CRACR2A: variants seen among roughly 807,000 people sequenced by gnomAD.
CRACR2A encodes the protein EF-hand calcium-binding domain-containing protein 4B.
A neutral mutation model predicts 90.5 loss-of-function variants in CRACR2A; 79 were observed. That is an observed-to-expected ratio of 0.87 (90% confidence interval 0.73 to 1.05). The LOEUF is 1.05. Ranked by LOEUF, CRACR2A falls within the 50% of genes least tolerant of loss-of-function variation. CRACR2A has a pLI of 0.00. For missense variants in CRACR2A, 823 were observed against 897.2 expected, an observed-to-expected ratio of 0.92 and a Z score of 1.06; for synonymous variants, 338 against 356.7, an observed-to-expected ratio of 0.95 and a Z score of 0.59.
intron 7 of CRACR2A, chr12:3,672,920 T>C (rs56026863): frequency 0.15 from 67,013 of 439,784 alleles, 5,432 homozygotes; most frequent in South Asian, 0.27. Flanking sequence ...AGCAGGGCTA[T>C]AGGTCACCTT....
At chr12:3,713,863 AT>A (rs1751868587) in intron 2 of CRACR2A, among the ~76,000 whole-genome samples, 2 of 152,188 alleles carry the variant, frequency 1.3e-5, no homozygotes, top group Admixed American at 6.5e-5. Context: ...CAGGGAGAGG[AT>A]GGGCTTCCTT....
chr12:3,637,790 T>G (rs1335820376), intron 14 of CRACR2A, among the ~76,000 whole-genome samples: 1 of 152,212 alleles, frequency 6.6e-6, no homozygotes, highest in Non-Finnish European at 1.5e-5. Flanking sequence ...TGTTGAGGTG[T>G]GCTCTCATGG....
intron 15 of CRACR2A, among the ~76,000 whole-genome samples, chr12:3,628,227 C>CTCTT (rs150027786): frequency 0.27 from 40,370 of 149,496 alleles, 5,677 homozygotes; most frequent in South Asian, 0.37. Context: ...CTTCCTTTCT[C>CTCTT]TCTTTCTTTC....
intron 3 of CRACR2A, among the ~76,000 whole-genome samples, chr12:3,710,621 C>T (rs374118669): frequency 2.6e-5 from 4 of 151,776 alleles, no homozygotes; most frequent in African/African-American, 7.3e-5. Flanking sequence ...GGTGAAACCC[C>T]GTCTCTACTA....
intron 4 of CRACR2A, among the ~76,000 whole-genome samples, chr12:3,690,551 T>C (rs61908566): frequency 0.14 from 20,769 of 152,194 alleles, 1,598 homozygotes; most frequent in Admixed American, 0.22. Context: ...AGTTCTTTTG[T>C]ATTTGCTGAG....
chr12:3,621,946 C>T (rs1944151795), intron 17 of CRACR2A, among the ~76,000 whole-genome samples: 1 of 152,080 alleles, frequency 6.6e-6, no homozygotes, highest in Admixed American at 6.5e-5. Flanking sequence ...CAGTCAGTCA[C>T]CATCACCCTG....
rs146548856 is a variant in CRACR2A at position 3,683,551 on chromosome 12, T to A, written c.229-3202A>T. Among the ~76,000 whole-genome samples, 8 of 152,374 alleles carry A rather than the reference T, an allele frequency of 5.3e-5. No individual in the cohort carries two copies. The East Asian group carries it at 1.5e-3, about 29-fold the overall frequency. ...TCTTTCTTCACTCTCAGCTCCTGCG[T>A]CACTTCCTCCGTAAGGCCTTTGCAC... is the stretch of plus-strand genomic sequence containing the variant. On this transcript the variant is annotated intron_variant, in intron 4 of 19. Coordinates refer to ENST00000440314, the MANE Select transcript of CRACR2A (RefSeq NM_001144958.2).
Position 3,621,460 on chromosome 12 carries a change from T to C in CRACR2A, c.1933-2088A>G, listed in dbSNP as rs548608762. Among the ~76,000 whole-genome samples the C allele has an allele frequency of 4.7e-5, 7 of 148,558 alleles. No individual in the cohort carries two copies. The East Asian group carries it at 1.4e-3, about 29-fold the overall frequency. On this transcript the variant is annotated intron_variant, in intron 17 of 19. Transcript: ENST00000440314. The stretch of plus-strand genomic sequence containing the variant: ...TGAGGTCAGGAGTTCAAGACCAGCC[T>C]GGCCAAGATGGTGAAACCCTGTCTC...
chr12:3,749,068 A>G (rs1946666242), intron 1 of CRACR2A, among the ~76,000 whole-genome samples: 1 of 152,344 alleles, frequency 6.6e-6, no homozygotes, highest in African/African-American at 2.4e-5. Flanking sequence ...CTGTGTGACC[A>G]TAGACATGAT....
intron 17 of CRACR2A, among the ~76,000 whole-genome samples, chr12:3,625,520 T>C (rs956262936): frequency 2.7e-5 from 4 of 150,718 alleles, no homozygotes; most frequent in Non-Finnish European, 4.4e-5. Context: ...CACCAAAATT[T>C]AGATACTGGG....
rs868031050 is a variant in CRACR2A at position 3,637,157 on chromosome 12, A to G, written c.1602+967T>C. Reference sequence around the variant, plus strand: ...GACCTGGTGGGCAGTACAGGGTCACACTGAAGGGAGGAGCAGGCAGGGAAT... The same window carrying G: ...GACCTGGTGGGCAGTACAGGGTCACGCTGAAGGGAGGAGCAGGCAGGGAAT... On this transcript the variant is annotated intron_variant, in intron 14 of 19. Coordinates refer to ENST00000440314, the MANE Select transcript of CRACR2A (RefSeq NM_001144958.2). 9.2e-5 allele frequency among the ~76,000 whole-genome samples: 14 copies of G among 152,332 alleles called. No individual in the cohort carries two copies. The Middle Eastern group carries it at 0.024, about 259-fold the overall frequency.
chr12:3,679,958 T>A (rs1007589791), intron 5 of CRACR2A, among the ~76,000 whole-genome samples: 1 of 152,258 alleles, frequency 6.6e-6, no homozygotes, highest in African/African-American at 2.4e-5. Flanking sequence ...CTATGGCTTC[T>A]GCAGAGCTTC....
At chr12:3,657,146 A>G (rs1241523694) in intron 8 of CRACR2A, among the ~76,000 whole-genome samples, 1 of 152,254 alleles carries the variant, frequency 6.6e-6, no homozygotes, top group Admixed American at 6.5e-5. Context: ...CGAGCGGGAC[A>G]CAACTTGGGT....
intron 1 of CRACR2A, chr12:3,752,585 G>A (rs1019354353): frequency 3.3e-5 from 5 of 152,500 alleles, no homozygotes; most frequent in African/African-American, 7.2e-5. Context: ...GGCAACAGTT[G>A]TGGATGCTGC....
chr12:3,656,841 G>A (rs1944919301), intron 8 of CRACR2A, among the ~76,000 whole-genome samples: 1 of 152,178 alleles, frequency 6.6e-6, no homozygotes, highest in Admixed American at 6.5e-5. Flanking sequence ...TCTGTTCCAG[G>A]TTGGGCATTG....
Position 3,679,030 on chromosome 12 carries a change from C to T in CRACR2A, c.409G>A (p.Glu137Lys). ...CCTCTGGACAGATACACCTTCTCTT[C>T]ATGGCGCTGGGCCACCTGTTCACCT... ...DAGEQVAQRHEEKVYLSRGDE... is the reference protein window; with the variant it reads ...DAGEQVAQRHKEKVYLSRGDE... Residue 137 changes from glutamate (E) to lysine (K), a missense_variant, in exon 6 of 20, where the codon GAA becomes AAA. Transcript: ENST00000440314. 1 of 1,614,078 alleles carries T rather than the reference C, an allele frequency of 6.2e-7. No individual in the cohort carries two copies. The highest frequency in any genetic ancestry group is 8.5e-7 in the Non-Finnish European group (1 of 1,180,008).
intron 18 of CRACR2A, among the ~76,000 whole-genome samples, chr12:3,618,279 A>G (rs1384390974): frequency 2.6e-5 from 4 of 152,166 alleles, no homozygotes; most frequent in African/African-American, 9.7e-5. Context: ...TATATACCAT[A>G]TATTATATAA....
intron 1 of CRACR2A, among the ~76,000 whole-genome samples, chr12:3,751,197 G>A (rs1167999791): frequency 1.3e-5 from 2 of 152,144 alleles, no homozygotes; most frequent in Admixed American, 1.3e-4. Flanking sequence ...AGGTTGTCAG[G>A]AGGATTAAAT....
chr12:3,644,709 T>A (rs1338250753), intron 11 of CRACR2A, 69 bp from the exon 12 acceptor site: 1 of 1,449,736 alleles, frequency 6.9e-7, no homozygotes, highest in South Asian at 1.2e-5. Context: ...GGCAGCCAAT[T>A]TGCTATTCAG....
Sources: gnomAD v4.1 joint callset for allele counts (sites outside exome capture counted in the v4.1 genomes callset) on GRCh38, gnomAD v4.1.1 for gene constraint, MANE v1.5 for transcripts, NCBI Gene and HGNC (gene_info 2026-07-23, HGNC 2026-07-21) for gene names.